PTPRC: variants seen among roughly 807,000 people sequenced by gnomAD.
The protein encoded by PTPRC is receptor-type tyrosine-protein phosphatase C.
Under a neutral mutation model 155.9 loss-of-function variants are expected in PTPRC, and 44 were observed. The observed-to-expected ratio is 0.28, with a 90% CI of 0.22 to 0.36. The LOEUF (loss-of-function observed/expected upper bound fraction) is 0.36, where lower values mean the gene tolerates loss of function less well. Among genes scored for constraint, PTPRC ranks in the 10% least tolerant of loss-of-function variants. PTPRC has a pLI of 1.00. For missense variants in PTPRC, 1,401 were observed against 1,564.6 expected (o/e 0.90, Z 1.76); for synonymous variants, 525 against 533.1 (o/e 0.98, Z 0.21).
chr1:198,699,830 AT>A, intron 5 of PTPRC, 126 bp downstream of exon 5: 1 of 1,250,336 alleles, frequency 8.0e-7, no homozygotes, highest in Non-Finnish European at 1.2e-6. Context: ...TGAATTTGGA[AT>A]TTCAGTCACT....
chr1:198,727,955 A>G (rs1303144752), intron 15 of PTPRC, among the ~76,000 whole-genome samples: 1 of 152,142 alleles, frequency 6.6e-6, no homozygotes, highest in Admixed American at 6.5e-5. Flanking sequence ...TCTGCATATA[A>G]AGTTAAACTA....
chr1:198,687,953 A>C (rs1247193874), intron 2 of PTPRC, among the ~76,000 whole-genome samples: 9 of 152,114 alleles, frequency 5.9e-5, no homozygotes, highest in Admixed American at 4.6e-4. Flanking sequence ...AGTGTTACCA[A>C]AACTAAAAAT....
intron 8 of PTPRC, among the ~76,000 whole-genome samples, chr1:198,705,428 C>A (rs1652896097): frequency 6.7e-6 from 1 of 148,288 alleles, no homozygotes; most frequent in Admixed American, 6.8e-5. Flanking sequence ...TTAGTTCTTT[C>A]TTTCTTTTTT....
chr1:198,732,527 T>G lies in PTPRC; in HGVS notation c.2113T>G (p.Ser705Ala). The G allele has an allele frequency of 1.2e-6, 2 of 1,610,568 alleles. No homozygotes were observed. Among genetic ancestry groups the G allele is most frequent in the Non-Finnish European group, 1.7e-6 (2 of 1,178,264 alleles). ...ELSEINGDAG[S>A]NYINASYIDG... ...CTCTGAGATAAACGGAGATGCAGGG[T>G]CAAACTACATAAATGCCAGCTATAT... The change falls in exon 20 of 33, where the codon TCA becomes GCA. Residue 705 changes from serine to alanine, a missense_variant. Physicochemically the swap from Ser to Ala is moderately conservative, Grantham distance 99 (BLOSUM62 1). Around this residue, in one of 3 missense-constraint regions of PTPRC, gnomAD observed 867 missense variants for 970.4 expected, o/e 0.89. Coordinates refer to ENST00000442510, the MANE Select transcript of PTPRC (RefSeq NM_002838.5).
rs930822866 is a variant in PTPRC at position 198,748,007 on chromosome 1, A to G, written c.2848-102A>G. 5.4e-6 allele frequency: 8 copies of G among 1,493,076 alleles called. No homozygotes were observed. The African/African-American group carries it at 1.0e-4, about 19-fold the overall frequency. 92.5% of individuals were successfully genotyped at this position (1,493,076 alleles called of 1,614,324 possible). On this transcript the variant is annotated intron_variant, in intron 26 of 32. Transcript: ENST00000442510. ...CCTATAGGGAGCATATGCAAATTTCACAAAAATTAATGAAATGCTTTTCCT... is the reference window on the plus strand; with the variant it reads ...CCTATAGGGAGCATATGCAAATTTCGCAAAAATTAATGAAATGCTTTTCCT...
chr1:198,731,822 C>T (rs1194719131), intron 18 of PTPRC, 96 bp downstream of exon 18: 1 of 961,018 alleles, frequency 1.0e-6, no homozygotes, highest in East Asian at 2.5e-5. Flanking sequence ...TAATTTATCC[C>T]ACTTGATATT....
At chr1:198,688,307 C>T (rs74654520) in intron 2 of PTPRC, among the ~76,000 whole-genome samples, 2,543 of 151,990 alleles carry the variant, frequency 0.017, 68 homozygotes, top group African/African-American at 0.058. Flanking sequence ...AAAATGTTGG[C>T]TCTTTAGATA....
intron 15 of PTPRC, among the ~76,000 whole-genome samples, chr1:198,726,047 C>T (rs984027433): frequency 2.0e-5 from 3 of 152,096 alleles, no homozygotes; most frequent in African/African-American, 7.2e-5. Flanking sequence ...TATCTGAAGA[C>T]TTGGCTATTT....
intron 3 of PTPRC, chr1:198,692,963 A>G (rs1666010556): frequency 2.2e-6 from 2 of 925,384 alleles, no homozygotes; most frequent in African/African-American, 1.8e-5. Context: ...AGTACATACA[A>G]AATAAGAGAA....
At chr1:198,728,634 A>T (rs1198864505) in intron 16 of PTPRC, among the ~76,000 whole-genome samples, 186 bp downstream of exon 16, 1 of 152,202 alleles carries the variant, frequency 6.6e-6, no homozygotes, top group African/African-American at 2.4e-5. Context: ...TTTGAATTAA[A>T]CATTAATATT....
chr1:198,750,442 T>G, intron 28 of PTPRC, 50 bp from the exon 29 acceptor site: 1 of 1,566,024 alleles, frequency 6.4e-7, no homozygotes, highest in Non-Finnish European at 8.8e-7. Flanking sequence ...AAGAATCTAC[T>G]GAGCTCTCTT....
intron 4 of PTPRC, among the ~76,000 whole-genome samples, chr1:198,697,932 T>G (rs1666283718): frequency 6.6e-6 from 1 of 152,192 alleles, no homozygotes; most frequent in Non-Finnish European, 1.5e-5. Context: ...ATCTTCCATT[T>G]GTTTCCCTGT....
intron 32 of PTPRC, among the ~76,000 whole-genome samples, chr1:198,755,192 C>T (rs1324448461): frequency 1.3e-5 from 2 of 152,022 alleles, no homozygotes; most frequent in Non-Finnish European, 2.9e-5. Flanking sequence ...ATTCACATTG[C>T]AAAGAAATGT....
chr1:198,712,830 A>C, intron 11 of PTPRC, 123 bp from the exon 12 acceptor site: 2 of 1,127,190 alleles, frequency 1.8e-6, no homozygotes, highest in Non-Finnish European at 1.3e-6. Context: ...CATTTCTTTA[A>C]ATTTTATTTT....
At chr1:198,750,355 T>C (rs1391344264) in intron 28 of PTPRC, 137 bp from the exon 29 acceptor site, 5 of 898,698 alleles carry the variant, frequency 5.6e-6, no homozygotes, top group Non-Finnish European at 9.0e-6. Context: ...TTGTTTCTTG[T>C]AAGAAACATA....
chr1:198,753,030 C>G (rs1422741618), intron 31 of PTPRC, among the ~76,000 whole-genome samples: 1 of 151,844 alleles, frequency 6.6e-6, no homozygotes. Flanking sequence ...TCCTTGGTAG[C>G]TAACATTGAG....
In PTPRC at chr1:198,742,338, C is replaced by T. The variant is rs1654941272; in HGVS notation, c.2668C>T (p.Arg890Ter). The T allele has an allele frequency of 2.5e-6, 4 of 1,612,072 alleles. No individual in the cohort carries two copies. The highest frequency in any genetic ancestry group is 3.4e-6 in the Non-Finnish European group (4 of 1,178,734). Residue 890 changes from arginine (R) to a stop codon, truncating the protein, a stop_gained, in exon 25 of 33, where the codon CGA (arginine) becomes TGA (stop). Coordinates refer to ENST00000442510, the MANE Select transcript of PTPRC (RefSeq NM_002838.5). LOFTEE classifies it high-confidence loss of function. ...DVYGYVVKLR[R>*]QRCLMVQVEA... is the part of the protein sequence containing the mutation. ...TTATGGTTATGTTGTCAAGCTAAGG[C>T]GACAGAGATGCCTGATGGTTCAAGT...
intron 2 of PTPRC, among the ~76,000 whole-genome samples, chr1:198,688,998 C>T (rs1665782013): frequency 6.6e-6 from 1 of 152,022 alleles, no homozygotes. Flanking sequence ...AAGCAAAAGA[C>T]TTAGTATAGT....
At chr1:198,678,488 G>A (rs1004408015) in intron 2 of PTPRC, among the ~76,000 whole-genome samples, 2 of 152,192 alleles carry the variant, frequency 1.3e-5, no homozygotes, top group Non-Finnish European at 2.9e-5. Flanking sequence ...CTGTCAATGA[G>A]CACTGCTGCC....
Sources: gnomAD v4.1 joint callset for allele counts (sites outside exome capture counted in the v4.1 genomes callset) on GRCh38, gnomAD v4.1.1 for gene constraint, gnomAD v4.1.1 regional missense constraint, MANE v1.5 for transcripts, NCBI Gene and HGNC (gene_info 2026-07-23, HGNC 2026-07-21) for gene names.